Variants in EDIL3 observed in about 807,000 individuals in gnomAD.
EDIL3 encodes the protein EGF-like repeat and discoidin I-like domain-containing protein 3.
Under a neutral mutation model 67.4 loss-of-function variants are expected in EDIL3, and 37 were observed. That is an observed-to-expected ratio of 0.55 (90% CI 0.42 to 0.72). The LOEUF is 0.72. Ranked by LOEUF, EDIL3 falls within the 30% of genes least tolerant of loss-of-function variation. EDIL3 has a pLI of 0.00. For synonymous variants in EDIL3, 195 were observed against 196.3 expected, an observed-to-expected ratio of 0.99 and a Z score of 0.05; for missense variants, 527 against 586.3, an observed-to-expected ratio of 0.90 and a Z score of 1.04.
intron 1 of EDIL3, among the ~76,000 whole-genome samples, chr5:84,314,743 A>T (rs1280693473): frequency 6.6e-6 from 1 of 152,180 alleles, no homozygotes; most frequent in Non-Finnish European, 1.5e-5. Context: ...TAGCCTATAA[A>T]TTCTTACAAA....
chr5:84,129,634 C>A (rs897119942), intron 5 of EDIL3, among the ~76,000 whole-genome samples: 3 of 151,936 alleles, frequency 2.0e-5, no homozygotes. Context: ...TACCAAAGTA[C>A]CCTGTTCAAA....
intron 1 of EDIL3, among the ~76,000 whole-genome samples, chr5:84,372,656 G>A (rs577896986): frequency 1.3e-5 from 2 of 152,266 alleles, no homozygotes; most frequent in African/African-American, 4.8e-5. Flanking sequence ...GTGTGCTACA[G>A]TGAAAAGATT....
intron 5 of EDIL3, among the ~76,000 whole-genome samples, chr5:84,126,535 C>T (rs907965085): frequency 3.9e-5 from 6 of 151,972 alleles, no homozygotes; most frequent in Non-Finnish European, 2.9e-5. Context: ...ACTATAGTTT[C>T]ATATTAGTGA....
At chr5:84,109,746 C>T (rs1747526581) in intron 5 of EDIL3, among the ~76,000 whole-genome samples, 1 of 152,112 alleles carries the variant, frequency 6.6e-6, no homozygotes, top group African/African-American at 2.4e-5. Context: ...GCATACCACA[C>T]TCTGTCACTT....
chr5:84,330,701 T>A (rs1457993988), intron 1 of EDIL3, among the ~76,000 whole-genome samples: 1 of 152,142 alleles, frequency 6.6e-6, no homozygotes, highest in Non-Finnish European at 1.5e-5. Context: ...GTAGATAGGG[T>A]CACTAAGGAG....
At chr5:83,967,761 G>A (rs1252049131) in intron 9 of EDIL3, among the ~76,000 whole-genome samples, 2 of 152,130 alleles carry the variant, frequency 1.3e-5, no homozygotes, top group African/African-American at 4.8e-5. Context: ...GGAAAATTAA[G>A]TTGATTTTCG....
At chr5:83,963,769 G>T (rs1580255217) in intron 9 of EDIL3, among the ~76,000 whole-genome samples, 1 of 147,814 alleles carries the variant, frequency 6.8e-6, no homozygotes, top group East Asian at 2.0e-4. Context: ...TGATTTTATT[G>T]GTCATTTCAA....
At chr5:83,994,754 A>G (rs1414828044) in intron 9 of EDIL3, among the ~76,000 whole-genome samples, 1 of 152,170 alleles carries the variant, frequency 6.6e-6, no homozygotes, top group East Asian at 1.9e-4. Flanking sequence ...GTGCACAGAA[A>G]AACATTCTTC....
intron 9 of EDIL3, among the ~76,000 whole-genome samples, chr5:83,980,615 G>A (rs1744953832): frequency 6.6e-6 from 1 of 150,656 alleles, no homozygotes; most frequent in South Asian, 2.1e-4. Context: ...TTGAACCTGG[G>A]AGGCGGAGGT....
chr5:84,100,467 C>T (rs1747342458), intron 6 of EDIL3, among the ~76,000 whole-genome samples: 1 of 152,012 alleles, frequency 6.6e-6, no homozygotes. Flanking sequence ...AGCAAACTAA[C>T]ACAGGAAAAG....
intron 4 of EDIL3, among the ~76,000 whole-genome samples, chr5:84,166,577 C>T (rs1748707532): frequency 6.6e-6 from 1 of 151,990 alleles, no homozygotes; most frequent in African/African-American, 2.4e-5. Context: ...AAATCAAGTC[C>T]TTGCTCTAGA....
chr5:84,016,060 T>C (rs895453670), intron 9 of EDIL3, among the ~76,000 whole-genome samples: 1 of 152,114 alleles, frequency 6.6e-6, no homozygotes, highest in African/African-American at 2.4e-5. Flanking sequence ...CACCCTCAAG[T>C]AGACCCAAGT....
At chr5:84,154,272 A>G (rs1383679574) in intron 4 of EDIL3, among the ~76,000 whole-genome samples, 2 of 152,288 alleles carry the variant, frequency 1.3e-5, no homozygotes, top group East Asian at 3.9e-4. Flanking sequence ...AACAAGAGTA[A>G]GAATATAGGG....
intron 4 of EDIL3, among the ~76,000 whole-genome samples, chr5:84,168,734 C>T (rs1440643463): frequency 2.6e-5 from 4 of 152,184 alleles, no homozygotes; most frequent in Non-Finnish European, 5.9e-5. Flanking sequence ...TCATTACTAC[C>T]TTGGTCCAAG....
chr5:84,265,815 C>T (rs924128066), intron 1 of EDIL3, among the ~76,000 whole-genome samples: 2 of 152,168 alleles, frequency 1.3e-5, no homozygotes, highest in Admixed American at 6.5e-5. Context: ...AATGCGTTTC[C>T]TTAATGTATG....
At chr5:84,110,788 T>A (rs990584263) in intron 5 of EDIL3, among the ~76,000 whole-genome samples, 1 of 152,206 alleles carries the variant, frequency 6.6e-6, no homozygotes, top group African/African-American at 2.4e-5. Context: ...TACATACTTA[T>A]GCATCCTAGG....
Position 84,311,322 on chromosome 5 carries a change from T to C in EDIL3, c.68-57110A>G, listed in dbSNP as rs1040070102. ...TATTCAATGTATTTTCTTTTTTTTT[T>C]TCTTTTTTTTTTTTTTTACATGCAG... On this transcript the variant is annotated intron_variant, in intron 1 of 10. Coordinates refer to ENST00000296591, the MANE Select transcript of EDIL3 (RefSeq NM_005711.5). Among the ~76,000 whole-genome samples the C allele has an allele frequency of 4.9e-3, 711 of 146,300 alleles. 10 individuals are homozygous for C. The highest frequency in any genetic ancestry group is 0.017 in the African/African-American group (686 of 40,636).
intron 10 of EDIL3, among the ~76,000 whole-genome samples, chr5:83,959,242 T>C (rs1744567137): frequency 6.7e-6 from 1 of 148,594 alleles, no homozygotes; most frequent in Admixed American, 6.8e-5. Context: ...TATACGTATA[T>C]ATATATACGG....
At chr5:84,066,649 G>A in intron 6 of EDIL3, 43 bp from the exon 7 acceptor site, 1 of 1,580,608 alleles carries the variant, frequency 6.3e-7, no homozygotes, top group South Asian at 1.2e-5. Flanking sequence ...ATTGTTTTCA[G>A]GATAACAATA....
Sources: gnomAD v4.1 joint callset for allele counts (sites outside exome capture counted in the v4.1 genomes callset) on GRCh38, gnomAD v4.1.1 for gene constraint, MANE v1.5 for transcripts, NCBI Gene and HGNC (gene_info 2026-07-23, HGNC 2026-07-21) for gene names.